Variants in PDE4D observed in about 807,000 individuals in gnomAD.
PDE4D encodes phosphodiesterase 4D.
In PDE4D, 24 loss-of-function variants were observed where a neutral mutation model predicts 87.4. The ratio of observed to expected loss-of-function variants is 0.27; its 90% CI spans 0.20 to 0.39. The LOEUF is 0.39. Among genes scored for constraint, PDE4D ranks in the 10% least tolerant of loss-of-function variants. The pLI is 1.00. For missense variants in PDE4D, 714 were observed against 1,041.0 expected, an observed-to-expected ratio of 0.69 and a Z score of 4.32; for synonymous variants, 384 against 383.2, an observed-to-expected ratio of 1.00 and a Z score of -0.02.
chr5:59,836,636 ATC>A (rs1168671132), intron 1 of PDE4D, among the ~76,000 whole-genome samples: 18 of 150,126 alleles, frequency 1.2e-4, no homozygotes, highest in African/African-American at 4.5e-4. Context: ...CTATCTATCT[ATC>A]TATCTATCTA....
At chr5:60,253,449 GC>G (rs1172279614) in intron 1 of PDE4D, among the ~76,000 whole-genome samples, 1 of 151,784 alleles carries the variant, frequency 6.6e-6, no homozygotes, top group East Asian at 1.9e-4. Context: ...CTCTTGACTG[GC>G]CCTAAAATGT....
chr5:60,346,972 AGTGAT>A (rs1214190936), intron 1 of PDE4D, among the ~76,000 whole-genome samples: 5 of 152,172 alleles, frequency 3.3e-5, no homozygotes, highest in Non-Finnish European at 7.4e-5. Context: ...ATGGGCTTGA[AGTGAT>A]GAACTAGAGA....
At chr5:59,779,105 T>TGGGCG (rs1464045434) in intron 1 of PDE4D, among the ~76,000 whole-genome samples, 8 of 151,480 alleles carry the variant, frequency 5.3e-5, no homozygotes, top group African/African-American at 1.9e-4. Context: ...GAGGTTGCAG[T>TGGGCG]GAGCCGAGAT....
At chr5:59,562,333 T>C (rs1820173277) in intron 1 of PDE4D, among the ~76,000 whole-genome samples, 1 of 152,212 alleles carries the variant, frequency 6.6e-6, no homozygotes, top group South Asian at 2.1e-4. Context: ...ATATATACTA[T>C]GTGTATATAT....
chr5:60,178,340 A>T (rs1784106329), intron 2 of PDE4D, among the ~76,000 whole-genome samples: 1 of 152,026 alleles, frequency 6.6e-6, no homozygotes, highest in Non-Finnish European at 1.5e-5. Context: ...AATACTACCC[A>T]CTCAAGGATA....
intron 1 of PDE4D, among the ~76,000 whole-genome samples, chr5:60,471,671 T>C (rs1466423888): frequency 2.0e-5 from 3 of 152,190 alleles, no homozygotes; most frequent in African/African-American, 7.2e-5. Flanking sequence ...AATTACAACT[T>C]GCTGCAGGCT....
rs1561716753 is a variant in PDE4D, at chr5:59,210,484, T to C, written c.647+5293A>G. Among the ~76,000 whole-genome samples the C allele has an allele frequency of 2.0e-5, 3 of 152,288 alleles. No individual in the cohort carries two copies. The South Asian group carries it at 6.2e-4, about 32-fold the overall frequency. On this transcript the variant is annotated intron_variant, in intron 2 of 14. Coordinates refer to ENST00000340635, the MANE Select transcript of PDE4D (RefSeq NM_001104631.2). ...TAATTGCTAAAGAAAGGACAGTAGTTTGACATGGGAGGTAGGGAGAGTATT... is the reference window on the plus strand; with the variant it reads ...TAATTGCTAAAGAAAGGACAGTAGTCTGACATGGGAGGTAGGGAGAGTATT...
intron 1 of PDE4D, among the ~76,000 whole-genome samples, chr5:59,463,707 G>A (rs1307357580): frequency 2.6e-5 from 4 of 152,150 alleles, no homozygotes. Flanking sequence ...CCTGTACTTG[G>A]ATGTTCAAGT....
intron 2 of PDE4D, among the ~76,000 whole-genome samples, chr5:60,088,475 G>A (rs1440058748): frequency 6.6e-6 from 1 of 151,898 alleles, no homozygotes; most frequent in Non-Finnish European, 1.5e-5. Flanking sequence ...TAAGAGTTAG[G>A]CAATATAAAA....
At chr5:60,063,241 T>C (rs77656757) in intron 2 of PDE4D, among the ~76,000 whole-genome samples, 10,286 of 152,088 alleles carry the variant, frequency 0.068, 422 homozygotes, top group South Asian at 0.16. Context: ...TACAGGAATA[T>C]ATTTATGTAA....
At chr5:60,501,016 A>G (rs1750045873) in intron 1 of PDE4D, among the ~76,000 whole-genome samples, 1 of 151,956 alleles carries the variant, frequency 6.6e-6, no homozygotes, top group Non-Finnish European at 1.5e-5. Context: ...TATTATTATT[A>G]AACTTTAAGT....
intron 1 of PDE4D, among the ~76,000 whole-genome samples, chr5:60,323,191 C>G (rs542444650): frequency 8.5e-5 from 13 of 152,276 alleles, no homozygotes; most frequent in African/African-American, 2.9e-4. Flanking sequence ...ACGGGTGTAT[C>G]TCCAGTGTGG....
chr5:59,722,721 C>A (rs988514278), intron 1 of PDE4D, among the ~76,000 whole-genome samples: 1 of 152,066 alleles, frequency 6.6e-6, no homozygotes, highest in Non-Finnish European at 1.5e-5. Flanking sequence ...ATAGGTGAAA[C>A]CTATCATAAG....
At chr5:59,045,362 T>C (rs376934703) in intron 5 of PDE4D, among the ~76,000 whole-genome samples, 72 of 152,198 alleles carry the variant, frequency 4.7e-4, no homozygotes, top group African/African-American at 1.6e-3. Context: ...AAGACCAGCC[T>C]GATCCACATG....
intron 1 of PDE4D, among the ~76,000 whole-genome samples, chr5:59,458,327 T>C (rs1029366456): frequency 6.6e-6 from 1 of 152,240 alleles, no homozygotes; most frequent in Non-Finnish European, 1.5e-5. Context: ...GGTGAAAGAA[T>C]CATTGCATAA....
intron 10 of PDE4D, among the ~76,000 whole-genome samples, chr5:58,989,317 A>C (rs898793874): frequency 6.6e-6 from 1 of 152,184 alleles, no homozygotes; most frequent in Non-Finnish European, 1.5e-5. Flanking sequence ...TTAGTAAACA[A>C]CTAATGAAAT....
At chr5:60,479,647 T>C (rs192581230) in intron 1 of PDE4D, among the ~76,000 whole-genome samples, 2 of 152,314 alleles carry the variant, frequency 1.3e-5, no homozygotes, top group East Asian at 1.9e-4. Flanking sequence ...ATACAGACCA[T>C]ATGGTCTCTG....
intron 6 of PDE4D, among the ~76,000 whole-genome samples, chr5:58,994,907 TC>T (rs1161856528): frequency 7.2e-5 from 6 of 83,510 alleles, no homozygotes; most frequent in African/African-American, 9.6e-5. Flanking sequence ...ATGCTTTCCC[TC>T]CCCCCTCCCC....
intron 1 of PDE4D, among the ~76,000 whole-genome samples, chr5:59,389,479 ACTC>A (rs1787800701): frequency 6.6e-6 from 1 of 152,024 alleles, no homozygotes; most frequent in Non-Finnish European, 1.5e-5. Flanking sequence ...GGAAAAGAGA[ACTC>A]CTATACACTG....
Sources: allele counts gnomAD v4.1 joint callset (sites outside exome capture counted in the v4.1 genomes callset), GRCh38; gene constraint gnomAD v4.1.1; transcripts MANE v1.5; gene names NCBI Gene and HGNC (gene_info 2026-07-23, HGNC 2026-07-21).